The following PIMREG variants were observed in gnomAD, a reference collection of about 807,000 sequenced individuals.
PIMREG encodes PICALM interacting mitotic regulator.
In PIMREG, 19 loss-of-function variants were observed where a neutral mutation model predicts 24.3. The observed-to-expected ratio is 0.78, with a 90% CI of 0.54 to 1.15. PIMREG has a LOEUF of 1.15. Ranked by LOEUF, PIMREG falls within the 50% of genes most tolerant of loss-of-function variation. PIMREG has a pLI of 0.00. For synonymous variants in PIMREG, 112 were observed against 124.1 expected (o/e 0.90, Z 0.65); for missense variants, 283 against 306.8 (o/e 0.92, Z 0.58).
chr17:6,449,636 C>A, intron 4 of PIMREG: 1 of 1,309,310 alleles, frequency 7.6e-7, no homozygotes, highest in Admixed American at 3.2e-5. Flanking sequence ...GGCCTTGGGA[C>A]CCCATGTTTG....
chr17:6,446,855 C>T (rs1234182256), intron 2 of PIMREG, among the ~76,000 whole-genome samples: 3 of 152,102 alleles, frequency 2.0e-5, no homozygotes, highest in Admixed American at 6.5e-5. Context: ...CTGGGGTCAC[C>T]GTCTGTCTGG....
chr17:6,450,397 T>G lies in PIMREG; in HGVS notation c.*50T>G. 1.3e-6 allele frequency: 2 copies of G among 1,570,502 alleles called. No individual in the cohort carries two copies. Among genetic ancestry groups the G allele is most frequent in the African/African-American group, 1.3e-5 (1 of 74,422 alleles). ...CTGTCTGACCGCCAAGGCTTCATAC[T>G]CAAGGATGTCTATGCTTCCCCGTGA... On this transcript the variant is annotated 3_prime_UTR_variant, in exon 6 of 6. Transcript: ENST00000572447.
In PIMREG at chr17:6,447,606, C is replaced by T. The variant is rs141815168; in HGVS notation, c.438C>T (p.Ala146=). Residue 146 remains alanine, a synonymous_variant, in exon 3 of 6, where the codon GCC becomes GCT. Coordinates refer to ENST00000572447, the MANE Select transcript of PIMREG (RefSeq NM_019013.3). ...AGAAGAGCACCCGGCTGTCTGGAGCCGCCCCTGCCCACTCAGCCGCAGACC... is the reference window on the plus strand; with the variant it reads ...AGAAGAGCACCCGGCTGTCTGGAGCTGCCCCTGCCCACTCAGCCGCAGACC... ...LSQKSTRLSG[A]APAHSAADPW... is the part of the protein sequence containing the mutation. 3.5e-4 allele frequency: 559 copies of T among 1,614,026 alleles called. No individual in the cohort carries two copies. The highest frequency in any genetic ancestry group is 3.0e-3 in the African/African-American group (223 of 75,048).
Position 6,450,610 on chromosome 17 carries a change from G to T in PIMREG, c.*263G>T. ...AATTGTTCCTTCTGCTTTCCTAGGGGACTCTTGAGCTTAGAAACTCATCGT... is the reference window on the plus strand; with the variant it reads ...AATTGTTCCTTCTGCTTTCCTAGGGTACTCTTGAGCTTAGAAACTCATCGT... On this transcript the variant is annotated 3_prime_UTR_variant, in exon 6 of 6. Transcript: ENST00000572447. 1.9e-6 allele frequency: 1 copy of T among 524,878 alleles called. No homozygotes were observed. The allele number at this position is 524,878 out of a possible 1,614,324, so 32.5% of individuals were successfully genotyped here.
chr17:6,449,912 G>T, intron 4 of PIMREG, 116 bp from the exon 5 acceptor site: 1 of 1,429,898 alleles, frequency 7.0e-7, no homozygotes, highest in Non-Finnish European at 9.8e-7. Flanking sequence ...AGCTCTATGT[G>T]TTGAGGGGCC....
chr17:6,449,649 C>A, intron 4 of PIMREG: 1 of 1,357,382 alleles, frequency 7.4e-7, no homozygotes, highest in Admixed American at 3.2e-5. Context: ...CATGTTTGTC[C>A]ATCACTTGGA....
rs35213363 is a variant in PIMREG, at chr17:6,447,726, C to G, written c.558C>G (p.Pro186=). ...GGCGGGAGGCTGCCTTCCGGAGCCC[C>G]TACTCCTCAACAGAGCCCCTCTGCT... ...RSRREAAFRS[P]YSSTEPLCSP... is the part of the protein sequence containing the mutation. The change falls in exon 3 of 6, where the codon CCC becomes CCG. Residue 186 remains proline (P), a synonymous_variant. Coordinates refer to ENST00000572447, the MANE Select transcript of PIMREG (RefSeq NM_019013.3). 65 of 1,612,660 alleles carry G rather than the reference C, an allele frequency of 4.0e-5. No homozygotes were observed. The highest frequency in any genetic ancestry group is 5.4e-5 in the Non-Finnish European group (64 of 1,179,192).
Position 6,447,599 on chromosome 17 carries a change from C to G in PIMREG, c.431C>G (p.Ser144Cys). The G allele has an allele frequency of 1.2e-6, 2 of 1,614,048 alleles. No homozygotes were observed. Among genetic ancestry groups the G allele is most frequent in the Non-Finnish European group, 1.7e-6 (2 of 1,179,958 alleles). Reference sequence around the variant, plus strand: ...CTGAGCCAGAAGAGCACCCGGCTGTCTGGAGCCGCCCCTGCCCACTCAGCC... The same window carrying G: ...CTGAGCCAGAAGAGCACCCGGCTGTGTGGAGCCGCCCCTGCCCACTCAGCC... ...HSLSQKSTRL[S>C]GAAPAHSAAD... The change falls in exon 3 of 6, where the codon TCT (serine) becomes TGT (cysteine). Residue 144 changes from serine to cysteine, a missense_variant. Physicochemically the swap from Ser to Cys is moderately radical, Grantham distance 112. Transcript: ENST00000572447.
chr17:6,449,257 G>T (rs1234645947), intron 3 of PIMREG, 55 bp from the exon 4 acceptor site: 1 of 1,497,862 alleles, frequency 6.7e-7, no homozygotes, highest in Non-Finnish European at 9.1e-7. Flanking sequence ...GGTTGCAAGG[G>T]TCTCCTGCCG....
chr17:6,449,814 C>T (rs1913743800), intron 4 of PIMREG: 2 of 1,423,964 alleles, frequency 1.4e-6, no homozygotes, highest in Non-Finnish European at 1.8e-6. Context: ...GGGGGCAGGG[C>T]CTCGGTTGTG....
At chr17:6,445,847 T>A (rs1913550942) in intron 2 of PIMREG, among the ~76,000 whole-genome samples, 1 of 152,162 alleles carries the variant, frequency 6.6e-6, no homozygotes, top group Admixed American at 6.5e-5. Flanking sequence ...CCCACTCAGC[T>A]GTGTATCCCT....
In PIMREG at chr17:6,450,704, C is replaced by T; in HGVS notation, c.*357C>T. On this transcript the variant is annotated 3_prime_UTR_variant, in exon 6 of 6. Coordinates refer to ENST00000572447, the MANE Select transcript of PIMREG (RefSeq NM_019013.3). ...AGTGCTAGCATCAGATATTTGAGAG[C>T]TCTTAGCTCTGTACCCGGGTGCCTG... 1 of 401,292 alleles carries T rather than the reference C, an allele frequency of 2.5e-6. No individual in the cohort carries two copies. The highest frequency in any genetic ancestry group is 4.4e-6 in the Non-Finnish European group (1 of 225,748). 24.9% of individuals were successfully genotyped at this position (401,292 alleles called of 1,614,324 possible).
At chr17:6,450,196 T>G in intron 5 of PIMREG, 124 bp downstream of exon 5, 2 of 1,226,782 alleles carry the variant, frequency 1.6e-6, no homozygotes, top group South Asian at 1.3e-5. Context: ...TACTTGCCGC[T>G]TGAAGCCAGA....
intron 4 of PIMREG, chr17:6,449,695 TTCC>T (rs754270514): frequency 5.4e-4 from 748 of 1,386,492 alleles, no homozygotes; most frequent in Non-Finnish European, 6.6e-4. Flanking sequence ...AAACCTGCCC[TTCC>T]TCCAGAACTC....
Position 6,447,741 on chromosome 17 carries a change from G to A in PIMREG, c.573G>A (p.Glu191=), listed in dbSNP as rs760922295. 3 of 1,606,334 alleles carry A rather than the reference G, an allele frequency of 1.9e-6. No individual in the cohort carries two copies. The highest frequency in any genetic ancestry group is 2.6e-6 in the Non-Finnish European group (3 of 1,174,342). ...AAFRSPYSST[E]PLCSPSESDS... ...TCCGGAGCCCCTACTCCTCAACAGA[G>A]CCCCTCTGCTCTCCCAGGCAAGTGG... is the stretch of plus-strand genomic sequence containing the variant. Residue 191 remains glutamate (E), a synonymous_variant, in exon 3 of 6, where the codon GAG becomes GAA. Transcript: ENST00000572447.
chr17:6,444,905 C>T lies in PIMREG; in HGVS notation c.-35-171C>T, dbSNP rs181329090. ...CGGGACATCAGAAATGCTGCTGACC[C>T]GAGGCCCCTCTTCCAGGAAGCATCC... On this transcript the variant is annotated intron_variant, in intron 1 of 5. Transcript: ENST00000572447. The surrounding 1 kb of genome is among the most constrained non-coding windows in gnomAD (Gnocchi z 4.3). Among the ~76,000 whole-genome samples the T allele has an allele frequency of 1.9e-3, 289 of 152,152 alleles. 2 individuals carry two copies. Among genetic ancestry groups the T allele is most frequent in the African/African-American group, 6.3e-3 (263 of 41,498 alleles).
At chr17:6,446,154 G>C (rs932363472) in intron 2 of PIMREG, 6 of 400,540 alleles carry the variant, frequency 1.5e-5, no homozygotes, top group Non-Finnish European at 2.7e-5. Context: ...TGTCAAATGA[G>C]AGCTGCTGTC....
chr17:6,445,652 C>T (rs755479426), intron 2 of PIMREG, among the ~76,000 whole-genome samples: 9 of 152,262 alleles, frequency 5.9e-5, no homozygotes, highest in African/African-American at 1.7e-4. Flanking sequence ...AAGAGCTGTA[C>T]GTGATAGGAA....
At chr17:6,449,658 G>C in intron 4 of PIMREG, 10 of 1,379,440 alleles carry the variant, frequency 7.2e-6, no homozygotes, top group Non-Finnish European at 9.4e-6. Flanking sequence ...CCATCACTTG[G>C]AACCTCACGT....
Sources: gnomAD v4.1 joint callset for allele counts (sites outside exome capture counted in the v4.1 genomes callset) on GRCh38, gnomAD v4.1.1 for gene constraint, Gnocchi (gnomAD v3.1) non-coding constraint, MANE v1.5 for transcripts, NCBI Gene and HGNC (gene_info 2026-07-23, HGNC 2026-07-21) for gene names.